LRMDA: variants seen among roughly 807,000 people sequenced by gnomAD.
The protein encoded by LRMDA is leucine-rich melanocyte differentiation-associated protein.
Under a neutral mutation model 29.8 loss-of-function variants are expected in LRMDA, and 18 were observed. The observed-to-expected ratio is 0.60, with a 90% CI of 0.42 to 0.90. The LOEUF (loss-of-function observed/expected upper bound fraction) is 0.90, where lower values mean the gene tolerates loss of function less well. LRMDA is among the 40% of genes least tolerant of loss of function. The probability of loss-of-function intolerance (pLI) is 0.00; values close to 1 mark genes in which losing one functional copy is unlikely to be tolerated. For missense variants in LRMDA, 273 were observed against 273.9 expected, an observed-to-expected ratio of 1.00 and a Z score of 0.02; for synonymous variants, 125 against 109.4, an observed-to-expected ratio of 1.14 and a Z score of -0.89.
At chr10:75,935,167 C>T (rs1288245987) in intron 2 of LRMDA, among the ~76,000 whole-genome samples, 3 of 152,168 alleles carry the variant, frequency 2.0e-5, no homozygotes, top group African/African-American at 2.4e-5. Context: ...TACTCTCTCC[C>T]CACAAATTCC....
At chr10:75,679,995 C>A (rs1842005142) in intron 2 of LRMDA, among the ~76,000 whole-genome samples, 1 of 152,236 alleles carries the variant, frequency 6.6e-6, no homozygotes, top group Admixed American at 6.5e-5. Context: ...GAAACGCAGT[C>A]AGTCTGACTA....
chr10:76,136,673 G>A (rs371960023), intron 5 of LRMDA, among the ~76,000 whole-genome samples: 1 of 151,898 alleles, frequency 6.6e-6, no homozygotes, highest in Non-Finnish European at 1.5e-5. Context: ...TGTAGATATA[G>A]CAAGTTTAGA....
chr10:76,442,412 C>A (rs1027395846), intron 6 of LRMDA, among the ~76,000 whole-genome samples: 4 of 152,158 alleles, frequency 2.6e-5, no homozygotes. Context: ...AAATCATAGG[C>A]CAGATGTGGT....
intron 6 of LRMDA, among the ~76,000 whole-genome samples, chr10:76,383,340 T>C (rs1302644577): frequency 6.6e-6 from 1 of 151,894 alleles, no homozygotes; most frequent in East Asian, 1.9e-4. Context: ...CTCCTGGTCC[T>C]CTGTCCTCCA....
chr10:76,112,519 C>T (rs915550583), intron 5 of LRMDA, among the ~76,000 whole-genome samples: 1 of 152,248 alleles, frequency 6.6e-6, no homozygotes, highest in Non-Finnish European at 1.5e-5. Context: ...CGCGGAGCCT[C>T]AGCTGTGCAG....
intron 2 of LRMDA, among the ~76,000 whole-genome samples, chr10:75,897,383 A>C (rs1340010273): frequency 6.6e-6 from 1 of 152,180 alleles, no homozygotes; most frequent in Non-Finnish European, 1.5e-5. Flanking sequence ...AACCTTGCAG[A>C]AGTGGGGAAC....
intron 2 of LRMDA, among the ~76,000 whole-genome samples, chr10:75,491,918 G>A (rs1320719950): frequency 6.6e-6 from 1 of 152,206 alleles, no homozygotes; most frequent in Non-Finnish European, 1.5e-5. Flanking sequence ...ACTATGACAA[G>A]CATAGGGTTG....
chr10:76,076,124 A>C (rs1051811868), intron 5 of LRMDA, among the ~76,000 whole-genome samples: 1 of 152,220 alleles, frequency 6.6e-6, no homozygotes, highest in Non-Finnish European at 1.5e-5. Context: ...TGGGTGGGTC[A>C]CGAGGTCGGG....
chr10:76,108,865 T>C (rs949045339), intron 5 of LRMDA, among the ~76,000 whole-genome samples: 2 of 152,220 alleles, frequency 1.3e-5, no homozygotes, highest in Non-Finnish European at 2.9e-5. Flanking sequence ...ATTTGTCTTA[T>C]TTCTTCAAGT....
Position 75,663,391 on chromosome 10 carries a change from A to G in LRMDA, c.131+224897A>G, listed in dbSNP as rs577669282. On this transcript the variant is annotated intron_variant, in intron 2 of 6. Transcript: ENST00000611255. The stretch of plus-strand genomic sequence containing the variant: ...CTGATTACCAATGTCTAATTTAACC[A>G]GTCTGAGGTGGGAGCCTGGGAAATC... Among the ~76,000 whole-genome samples, 6 of 152,318 alleles carry G rather than the reference A, an allele frequency of 3.9e-5. No homozygotes were observed. In the South Asian group the frequency reaches 1.2e-3, roughly 32 times the overall value.
At chr10:76,410,651 T>C (rs938196994) in intron 6 of LRMDA, among the ~76,000 whole-genome samples, 3 of 151,828 alleles carry the variant, frequency 2.0e-5, no homozygotes, top group East Asian at 2.0e-4. Context: ...AAAGATTACA[T>C]TGGCTTATTA....
chr10:75,717,119 G>T (rs1208493309), intron 2 of LRMDA, among the ~76,000 whole-genome samples: 1 of 152,196 alleles, frequency 6.6e-6, no homozygotes, highest in Non-Finnish European at 1.5e-5. Flanking sequence ...TGGATTGTGA[G>T]GTCTGGGCTA....
chr10:75,568,078 T>C (rs1372755637), intron 2 of LRMDA, among the ~76,000 whole-genome samples: 1 of 152,184 alleles, frequency 6.6e-6, no homozygotes, highest in African/African-American at 2.4e-5. Flanking sequence ...CAAATTGTAG[T>C]CTTTTTAGGG....
chr10:76,209,072 T>G (rs1001030405), intron 5 of LRMDA, among the ~76,000 whole-genome samples: 4 of 151,998 alleles, frequency 2.6e-5, no homozygotes. Flanking sequence ...GAGAATCACT[T>G]GAACCCAGGA....
At chr10:75,924,990 A>C (rs997473721) in intron 2 of LRMDA, among the ~76,000 whole-genome samples, 28 of 152,092 alleles carry the variant, frequency 1.8e-4, no homozygotes, top group Non-Finnish European at 3.4e-4. Context: ...TTACAAGTGC[A>C]CCTCGGGTTG....
At chr10:76,370,432 A>G (rs112405737) in intron 6 of LRMDA, among the ~76,000 whole-genome samples, 1,708 of 152,274 alleles carry the variant, frequency 0.011, 19 homozygotes, top group African/African-American at 0.028. Flanking sequence ...TGTATTCACT[A>G]TGAAGTCCTT....
At chr10:76,348,432 G>T (rs548729286) in intron 6 of LRMDA, among the ~76,000 whole-genome samples, 2 of 152,236 alleles carry the variant, frequency 1.3e-5, no homozygotes, top group Non-Finnish European at 2.9e-5. Flanking sequence ...GCTTAAGCAC[G>T]TATTTCCAAG....
intron 6 of LRMDA, among the ~76,000 whole-genome samples, chr10:76,346,115 C>G (rs1309908402): frequency 6.6e-6 from 1 of 152,034 alleles, no homozygotes; most frequent in African/African-American, 2.4e-5. Flanking sequence ...TGCAGACACA[C>G]ACAGAAATCT....
intron 2 of LRMDA, among the ~76,000 whole-genome samples, chr10:75,653,318 A>AT (rs1403562578): frequency 6.6e-6 from 1 of 152,160 alleles, no homozygotes; most frequent in Admixed American, 6.5e-5. Context: ...TTCTCATATA[A>AT]TGTGCTGCAG....
Sources: allele counts gnomAD v4.1 joint callset (sites outside exome capture counted in the v4.1 genomes callset), GRCh38; gene constraint gnomAD v4.1.1; transcripts MANE v1.5; gene names NCBI Gene and HGNC (gene_info 2026-07-23, HGNC 2026-07-21).